The following EVC2 variants were observed in gnomAD, a reference collection of about 807,000 sequenced individuals.
EVC2 encodes the protein limbin.
In EVC2, 148 loss-of-function variants were observed where a neutral mutation model predicts 149.3. The observed-to-expected ratio is 0.99, with a 90% confidence interval of 0.87 to 1.14. The LOEUF (loss-of-function observed/expected upper bound fraction) is 1.14. Ranked by LOEUF, EVC2 falls within the 50% of genes most tolerant of loss-of-function variation. The pLI, the probability that EVC2 is intolerant of heterozygous loss-of-function variation, is 0.00. For missense variants in EVC2, 1,854 were observed against 1,627.3 expected (o/e 1.14, Z -2.40); for synonymous variants, 776 against 649.9 (o/e 1.19, Z -2.95).
At position 5,708,557 on chromosome 4, in the gene EVC2, G is replaced by C. The variant is rs1368497201; in HGVS notation, c.-44C>G. 3 of 1,338,620 alleles carry C rather than the reference G, an allele frequency of 2.2e-6. No individual in the cohort carries two copies. The highest frequency in any genetic ancestry group is 1.9e-6 in the Non-Finnish European group (2 of 1,032,554). The allele number at this position is 1,338,620 out of a possible 1,614,324, so 82.9% of individuals were successfully genotyped here. On this transcript the variant is annotated 5_prime_UTR_variant, in exon 1 of 22. Transcript: ENST00000344408. ...ACCTCAAAGCGGCGGGTGCCGCCGA[G>C]TCGCTGGAGCTTCCGGACCCCAGGC...
Position 5,694,519 on chromosome 4 carries a change from A to G in EVC2, c.284-18T>C, listed in dbSNP as rs1368017082. 1.2e-6 allele frequency: 2 copies of G among 1,614,142 alleles called. No individual in the cohort carries two copies. Among genetic ancestry groups the G allele is most frequent in the South Asian group, 2.2e-5 (2 of 91,076 alleles). On this transcript the variant is annotated intron_variant, in intron 2 of 21. Coordinates refer to ENST00000344408, the MANE Select transcript of EVC2 (RefSeq NM_147127.5). Reference sequence around the variant, plus strand: ...TGCTTCCACTGCAAAACAACAACACACCCGTTTTATATAATGCGGAAAGAC... The same window carrying G: ...TGCTTCCACTGCAAAACAACAACACGCCCGTTTTATATAATGCGGAAAGAC...
chr4:5,574,587 C>T (rs1257976013), intron 19 of EVC2, 98 bp downstream of exon 19: 3 of 1,284,752 alleles, frequency 2.3e-6, no homozygotes, highest in Middle Eastern at 1.9e-4. Flanking sequence ...GCTGGCTTTT[C>T]ATCACCATCC....
At chr4:5,533,535 GAAAGACATGGTCTGGTTTCC>G in the EVC2 span, among the ~76,000 whole-genome samples, 1 of 152,224 alleles carries the variant, frequency 6.6e-6, no homozygotes, top group Non-Finnish European at 1.5e-5. Flanking sequence ...TTGAGCAGAG[GAAAGACATGGTCTGGTTTCC>G]ATGTTCCAAG....
rs1722032606 is a variant in EVC2, at chr4:5,562,798, G to T, written c.*50C>A. The stretch of plus-strand genomic sequence containing the variant: ...AACACACAAACACCGGCGGGCAGGA[G>T]AAAATCATCCCTTCTCTCTTCAGAT... On this transcript the variant is annotated 3_prime_UTR_variant, in exon 22 of 22. Coordinates refer to ENST00000344408, the MANE Select transcript of EVC2 (RefSeq NM_147127.5). The surrounding 1 kb of genome is among the most constrained non-coding windows in gnomAD (Gnocchi z 4.3). The T allele has an allele frequency of 3.7e-6, 6 of 1,610,566 alleles. No homozygotes were observed. The highest frequency in any genetic ancestry group is 5.1e-6 in the Non-Finnish European group (6 of 1,180,020).
chr4:5,681,125 ACAGAGTCC>A, intron 7 of EVC2, 127 bp downstream of exon 7: 1 of 978,360 alleles, frequency 1.0e-6, no homozygotes, highest in Non-Finnish European at 1.6e-6. Flanking sequence ...GAGAGACTGC[ACAGAGTCC>A]CAGTCTCAAC....
At chr4:5,599,766 T>C (rs1713820960) in intron 16 of EVC2, among the ~76,000 whole-genome samples, 1 of 152,114 alleles carries the variant, frequency 6.6e-6, no homozygotes, top group Non-Finnish European at 1.5e-5. Flanking sequence ...CTGGTCCTGT[T>C]AAAAATCAGG....
At chr4:5,645,762 C>A (rs1402902990) in intron 9 of EVC2, among the ~76,000 whole-genome samples, 3 of 151,972 alleles carry the variant, frequency 2.0e-5, no homozygotes, top group Non-Finnish European at 1.5e-5. Flanking sequence ...ATTTATAGTC[C>A]TTTGGGTATA....
rs570511455 is a variant in EVC2, at chr4:5,675,688, T to C, written c.870+5572A>G. Among the ~76,000 whole-genome samples, 4 of 152,284 alleles carry C rather than the reference T, an allele frequency of 2.6e-5. No individual in the cohort carries two copies. The South Asian group carries it at 6.2e-4, about 24-fold the overall frequency. On this transcript the variant is annotated intron_variant, in intron 7 of 21. Coordinates refer to ENST00000344408, the MANE Select transcript of EVC2 (RefSeq NM_147127.5). ...GCCTGGGTGCGGTGGCTCATGCCTG[T>C]AATCCCAGCACTTTGGGAGGCTGAG... is the stretch of plus-strand genomic sequence containing the variant.
At chr4:5,566,122 G>A (rs1722270327) in intron 20 of EVC2, among the ~76,000 whole-genome samples, 1 of 152,258 alleles carries the variant, frequency 6.6e-6, no homozygotes, top group Non-Finnish European at 1.5e-5. Context: ...AGTTGGGAAA[G>A]TACAGGCGAA....
intron 1 of EVC2, among the ~76,000 whole-genome samples, chr4:5,699,306 C>T (rs762970639): frequency 6.6e-6 from 1 of 152,152 alleles, no homozygotes; most frequent in Non-Finnish European, 1.5e-5. Context: ...TTTGTTCACA[C>T]GGAGCTTATG....
At chr4:5,593,616 C>T (rs929399415) in intron 16 of EVC2, among the ~76,000 whole-genome samples, 23 of 152,308 alleles carry the variant, frequency 1.5e-4, no homozygotes, top group Middle Eastern at 3.4e-3. Context: ...GGAACAGCTC[C>T]GGTCTACAGC....
intron 16 of EVC2, among the ~76,000 whole-genome samples, chr4:5,590,222 G>A (rs1414534083): frequency 6.6e-6 from 1 of 152,288 alleles, no homozygotes; most frequent in African/African-American, 2.4e-5. Flanking sequence ...CAAGAAGGCA[G>A]AGCTTCCCCT....
rs772749481 is a variant in EVC2 at position 5,576,451 on chromosome 4, G to A, written c.3061C>T (p.Leu1021Phe). The change falls in exon 18 of 22, where the codon CTC becomes TTC. Residue 1021 changes from leucine (L) to phenylalanine (F), a missense_variant. By Grantham distance (22) the Leu-to-Phe change is conservative. Transcript: ENST00000344408. The surrounding 1 kb of genome is among the most constrained non-coding windows in gnomAD (Gnocchi z 4.5). ...TQILESHSRE[L>F]QELERKLEDQ... ...TCCAGCTTCCTCTCCAACTCCTGGA[G>A]CTCCTACACAAGGAAGGGGCAGAGG... The A allele has an allele frequency of 1.7e-5, 27 of 1,592,254 alleles. No individual in the cohort carries two copies. The highest frequency in any genetic ancestry group is 1.7e-5 in the Non-Finnish European group (20 of 1,169,818).
chr4:5,597,172 A>C (rs1241291995), intron 16 of EVC2, among the ~76,000 whole-genome samples: 1 of 152,210 alleles, frequency 6.6e-6, no homozygotes. Flanking sequence ...TTCTGAAACT[A>C]TTCCAATCAA....
At chr4:5,588,110 G>C (rs939347041) in intron 16 of EVC2, among the ~76,000 whole-genome samples, 1 of 152,042 alleles carries the variant, frequency 6.6e-6, no homozygotes, top group Admixed American at 6.5e-5. Context: ...TTTCAGCATT[G>C]TAAGTCTAAA....
At chr4:5,550,030 C>A (rs936173626) in intron 21 of EVC2, among the ~76,000 whole-genome samples, 2 of 152,176 alleles carry the variant, frequency 1.3e-5, no homozygotes, top group Non-Finnish European at 2.9e-5. Context: ...TGAAGCCTCC[C>A]CAGCCATGTG....
chr4:5,667,143 G>A (rs1482116117), intron 7 of EVC2, among the ~76,000 whole-genome samples: 1 of 151,750 alleles, frequency 6.6e-6, no homozygotes, highest in Non-Finnish European at 1.5e-5. Context: ...ATATAGTAAT[G>A]TAACTTTGCA....
At chr4:5,623,126 T>C (rs1414018179) in intron 13 of EVC2, 135 bp from the exon 14 acceptor site, 1 of 907,964 alleles carries the variant, frequency 1.1e-6, no homozygotes, top group South Asian at 1.7e-5. Context: ...GAAGTTATTC[T>C]GGTTTTTTGT....
intron 7 of EVC2, among the ~76,000 whole-genome samples, chr4:5,680,178 G>C (rs545049323): frequency 1.1e-4 from 16 of 152,194 alleles, no homozygotes; most frequent in African/African-American, 3.9e-4. Flanking sequence ...CTGATTTATA[G>C]GTAAGCTTAT....
Sources: gnomAD v4.1 joint callset for allele counts (sites outside exome capture counted in the v4.1 genomes callset) on GRCh38, gnomAD v4.1.1 for gene constraint, Gnocchi (gnomAD v3.1) non-coding constraint, MANE v1.5 for transcripts, NCBI Gene and HGNC (gene_info 2026-07-23, HGNC 2026-07-21) for gene names.